Variants in PCDHGA3 observed in about 807,000 individuals in gnomAD.
PCDHGA3 encodes the protein protocadherin gamma-A3.
A neutral mutation model predicts 58.5 loss-of-function variants in PCDHGA3; 40 were observed. The ratio of observed to expected loss-of-function variants is 0.68; its 90% confidence interval spans 0.53 to 0.89. PCDHGA3 has a LOEUF of 0.89. Among genes scored for constraint, PCDHGA3 ranks in the 40% least tolerant of loss-of-function variants. The pLI is 0.00. For missense variants in PCDHGA3, 1,223 were observed against 1,195.9 expected, an observed-to-expected ratio of 1.02 and a Z score of -0.33; for synonymous variants, 530 against 525.7, an observed-to-expected ratio of 1.01 and a Z score of -0.11.
Position 141,345,283 on chromosome 5 carries a change from AAT to A in PCDHGA3, c.1254_1255del (p.Tyr418Ter). Reference sequence around the variant, plus strand: ...TCCCTGGACCGCGAACAAATATCAGAATATAACATTAGTCTGAGAGCCTCAGA... The same window carrying A: ...TCCCTGGACCGCGAACAAATATCAGAATAACATTAGTCTGAGAGCCTCAGA... On this transcript the variant is annotated frameshift_variant, in exon 1 of 4. Transcript: ENST00000253812. LOFTEE classifies it high-confidence loss of function. The A allele has an allele frequency of 1.9e-6, 3 of 1,613,996 alleles. No individual in the cohort carries two copies. Among genetic ancestry groups the A allele is most frequent in the Non-Finnish European group, 2.5e-6 (3 of 1,179,888 alleles).
chr5:141,423,708 T>A (rs1384948123), intron 1 of PCDHGA3: 23 of 1,349,902 alleles, frequency 1.7e-5, no homozygotes, highest in Non-Finnish European at 2.2e-5. Flanking sequence ...TTGGCACAAG[T>A]CTTTTAAGGA....
At chr5:141,394,290 G>C (rs759077173) in intron 1 of PCDHGA3, 5 of 1,613,918 alleles carry the variant, frequency 3.1e-6, no homozygotes, top group Admixed American at 1.7e-5. Context: ...CTCTGTGACC[G>C]AGGACACGCT....
intron 1 of PCDHGA3, among the ~76,000 whole-genome samples, chr5:141,468,738 T>C (rs965510711): frequency 3.0e-4 from 46 of 151,958 alleles, no homozygotes; most frequent in South Asian, 2.1e-3. Flanking sequence ...TGGTGGCGGG[T>C]GCCTGTAGTC....
intron 1 of PCDHGA3, chr5:141,365,461 A>G (rs1237743383): frequency 6.2e-7 from 1 of 1,614,022 alleles, no homozygotes; most frequent in Admixed American, 1.7e-5. Flanking sequence ...GTGATTCTGG[A>G]GAAAATGGTG....
chr5:141,480,951 G>A (rs924500955), intron 1 of PCDHGA3, among the ~76,000 whole-genome samples: 4 of 152,038 alleles, frequency 2.6e-5, no homozygotes, highest in Non-Finnish European at 2.9e-5. Flanking sequence ...AGGCTGAGGC[G>A]GAAGCATCAG....
rs181400389 is a variant in PCDHGA3, at chr5:141,360,129, C to T, written c.2424+13672C>T. The T allele has an allele frequency of 2.6e-4, 413 of 1,586,318 alleles. 2 individuals are homozygous for T. The Admixed American group carries it at 6.4e-3, about 25-fold the overall frequency. On this transcript the variant is annotated intron_variant, in intron 1 of 3. Coordinates refer to ENST00000253812, the MANE Select transcript of PCDHGA3 (RefSeq NM_018916.4). ...CCTATGGGCAAAGGAGCAAAGGGAGCCAGAAGATGAAAGCGAGCTCAGGGA... is the reference window on the plus strand; with the variant it reads ...CCTATGGGCAAAGGAGCAAAGGGAGTCAGAAGATGAAAGCGAGCTCAGGGA...
rs778927487 is a variant in PCDHGA3, at chr5:141,364,377, C to A, written c.2424+17920C>A. On this transcript the variant is annotated intron_variant, in intron 1 of 3. Transcript: ENST00000253812. ...TGGGGCTGCGGAGAGCTGCTGCTGC[C>A]CTTCATGCTCCTGGGGACGCTGTGC... is the stretch of plus-strand genomic sequence containing the variant. 6.3e-6 allele frequency: 10 copies of A among 1,577,000 alleles called. No individual in the cohort carries two copies. In the South Asian group the frequency reaches 7.0e-5, roughly 11 times the overall value.
At chr5:141,389,655 G>A in intron 1 of PCDHGA3, 1 of 1,612,562 alleles carries the variant, frequency 6.2e-7, no homozygotes, top group South Asian at 1.1e-5. Flanking sequence ...CAAGGTAGTG[G>A]CGGTGGACGC....
chr5:141,349,122 C>A (rs537716111), intron 1 of PCDHGA3, among the ~76,000 whole-genome samples: 149 of 152,222 alleles, frequency 9.8e-4, no homozygotes, highest in African/African-American at 3.5e-3. Context: ...CCAGGATGGA[C>A]TTCAGTGGCA....
chr5:141,384,817 CA>C (rs1780547722), intron 1 of PCDHGA3: 1 of 1,613,416 alleles, frequency 6.2e-7, no homozygotes, highest in Non-Finnish European at 8.5e-7. Flanking sequence ...TGCCCTCAAG[CA>C]GAGCCTCGTG....
At chr5:141,362,330 GCT>G in intron 1 of PCDHGA3, 2 of 1,614,068 alleles carry the variant, frequency 1.2e-6, no homozygotes, top group Non-Finnish European at 1.7e-6. Flanking sequence ...CCTGGTCTCA[GCT>G]CCAAGCCTGG....
In PCDHGA3 at chr5:141,405,262, C is replaced by A. The variant is rs1352663124; in HGVS notation, c.2424+58805C>A. ...ACTCAAGGAAGAGTCACCTGATCTT[C>A]CCCCAGCCCAACTATGCAGACACAC... On this transcript the variant is annotated intron_variant, in intron 1 of 3. Coordinates refer to ENST00000253812, the MANE Select transcript of PCDHGA3 (RefSeq NM_018916.4). The A allele has an allele frequency of 2.5e-6, 4 of 1,614,012 alleles. No individual in the cohort carries two copies. In the African/African-American group the frequency reaches 5.3e-5, roughly 22 times the overall value.
In PCDHGA3 at chr5:141,476,178, T is replaced by G; in HGVS notation, c.2425-18629T>G. Reference sequence around the variant, plus strand: ...ACCGGGAGGGTAGTGGGAGTTTTGCTTCTGCTTGGTGCCTTGAACAAGGCT... The same window carrying G: ...ACCGGGAGGGTAGTGGGAGTTTTGCGTCTGCTTGGTGCCTTGAACAAGGCT... On this transcript the variant is annotated intron_variant, in intron 1 of 3. Transcript: ENST00000253812. This position sits in a 1 kb window ranked among gnomAD's most constrained non-coding sequence, Gnocchi z 7.6. The G allele has an allele frequency of 3.1e-6, 5 of 1,613,632 alleles. No homozygotes were observed. Among genetic ancestry groups the G allele is most frequent in the Non-Finnish European group, 4.2e-6 (5 of 1,180,000 alleles).
intron 1 of PCDHGA3, chr5:141,394,165 C>G (rs1228690548): frequency 6.2e-7 from 1 of 1,613,930 alleles, no homozygotes; most frequent in African/African-American, 1.3e-5. Flanking sequence ...AACCCTCCTA[C>G]TTTCCCTCAT....
intron 1 of PCDHGA3, chr5:141,372,038 G>C: frequency 1.2e-6 from 2 of 1,613,506 alleles, no homozygotes; most frequent in South Asian, 1.1e-5. Context: ...ACGTGAGCCT[G>C]CGCGTGTTGG....
chr5:141,473,479 G>A (rs1417960508), intron 1 of PCDHGA3, among the ~76,000 whole-genome samples: 1 of 152,118 alleles, frequency 6.6e-6, no homozygotes, highest in Non-Finnish European at 1.5e-5. Flanking sequence ...AAGTTCAATG[G>A]AAAAAATATA....
chr5:141,352,198 A>T (rs1201053334), intron 1 of PCDHGA3: 1 of 1,613,830 alleles, frequency 6.2e-7, no homozygotes, highest in Non-Finnish European at 8.5e-7. Context: ...GTGATGGAGG[A>T]CAGCCGCCAC....
intron 1 of PCDHGA3, among the ~76,000 whole-genome samples, chr5:141,452,137 G>A (rs2154563838): frequency 6.6e-6 from 1 of 152,162 alleles, no homozygotes; most frequent in East Asian, 1.9e-4. Flanking sequence ...TGGCTCATGT[G>A]TTTTTTCCAA....
chr5:141,410,222 G>A, intron 1 of PCDHGA3: 2 of 1,614,018 alleles, frequency 1.2e-6, no homozygotes, highest in South Asian at 2.2e-5. Flanking sequence ...GATACTGCCA[G>A]ACCTCAGCGA....
Sources: allele counts gnomAD v4.1 joint callset (sites outside exome capture counted in the v4.1 genomes callset), GRCh38; gene constraint gnomAD v4.1.1; non-coding constraint Gnocchi (gnomAD v3.1); transcripts MANE v1.5; gene names NCBI Gene and HGNC (gene_info 2026-07-23, HGNC 2026-07-21).